Variants in ALS2 observed in about 807,000 individuals in gnomAD.
ALS2 encodes alsin.
A neutral mutation model predicts 203.4 loss-of-function variants in ALS2; 117 were observed. That is an observed-to-expected ratio of 0.58 (90% CI 0.50 to 0.67). The LOEUF (loss-of-function observed/expected upper bound fraction) is 0.67, where lower values mean the gene tolerates loss of function less well. Among genes scored for constraint, ALS2 ranks in the 30% least tolerant of loss-of-function variants. The pLI, the probability that ALS2 is intolerant of heterozygous loss-of-function variation, is 0.00. For missense variants in ALS2, 1,715 were observed against 1,989.4 expected (o/e 0.86, Z 2.62); for synonymous variants, 718 against 725.9 (o/e 0.99, Z 0.17).
intron 9 of ALS2, among the ~76,000 whole-genome samples, chr2:201,745,935 C>G (rs912405966): frequency 2.6e-5 from 4 of 151,990 alleles, no homozygotes; most frequent in Non-Finnish European, 4.4e-5. Flanking sequence ...GGCAACAGAG[C>G]AAGACTCAGT....
chr2:201,726,990 A>G (rs1014390119), intron 17 of ALS2, 124 bp from the exon 18 acceptor site: 3 of 936,710 alleles, frequency 3.2e-6, no homozygotes, highest in Non-Finnish European at 5.0e-6. Flanking sequence ...TTATTAATAG[A>G]GTAATATTGA....
chr2:201,715,117 G>T (rs1187229082), intron 25 of ALS2, among the ~76,000 whole-genome samples: 1 of 152,150 alleles, frequency 6.6e-6, no homozygotes, highest in African/African-American at 2.4e-5. Context: ...TTTGACTTTT[G>T]CAAGTTTCCT....
At chr2:201,722,823 T>C (rs1690893332) in intron 23 of ALS2, 1 of 555,112 alleles carries the variant, frequency 1.8e-6, no homozygotes, top group Non-Finnish European at 3.2e-6. Context: ...TAGGTGGAAA[T>C]GGAAGTCACT....
At chr2:201,720,636 C>A (rs571998043) in intron 23 of ALS2, among the ~76,000 whole-genome samples, 6 of 151,818 alleles carry the variant, frequency 4.0e-5, no homozygotes, top group Admixed American at 2.6e-4. Flanking sequence ...ATCGCTTGAG[C>A]CCAGGAGGTT....
chr2:201,724,019 G>GAGGTAGGA (rs1359593975), intron 21 of ALS2, among the ~76,000 whole-genome samples: 2 of 152,172 alleles, frequency 1.3e-5, no homozygotes, highest in Non-Finnish European at 2.9e-5. Context: ...TTGGTAGACT[G>GAGGTAGGA]AGGTAGGAGG....
intron 3 of ALS2, among the ~76,000 whole-genome samples, chr2:201,764,686 A>AAATAAATAAAT (rs879746657): frequency 6.9e-6 from 1 of 144,032 alleles, no homozygotes; most frequent in Non-Finnish European, 1.5e-5. Context: ...AATAAATAAA[A>AAATAAATAAAT]GTGAATCAAT....
At chr2:201,764,447 T>C (rs1208156095) in intron 3 of ALS2, among the ~76,000 whole-genome samples, 1 of 150,852 alleles carries the variant, frequency 6.6e-6, no homozygotes, top group Non-Finnish European at 1.5e-5. Flanking sequence ...CTGGCCAATA[T>C]GGTGAAACCC....
intron 9 of ALS2, among the ~76,000 whole-genome samples, chr2:201,745,568 A>C (rs1265625387): frequency 6.6e-6 from 1 of 152,226 alleles, no homozygotes; most frequent in Non-Finnish European, 1.5e-5. Context: ...GAAATAAGCC[A>C]ATGGTTTCAG....
Position 201,761,336 on chromosome 2 carries a change from G to C in ALS2, c.658C>G (p.Leu220Val), listed in dbSNP as rs529888092. ...ACTGGCTTCAGATCCTGGGAAGGGA[G>C]GCATTGTACAAGGGCTAAGCTGTGG... is the stretch of plus-strand genomic sequence containing the variant. ...AFHSLALVQC[L>V]PSQDLKPVPE... The change falls in exon 4 of 34, where the codon CTC becomes GTC. Residue 220 changes from leucine (L) to valine (V), a missense_variant. Leu to Val is a conservative substitution (Grantham distance 32, BLOSUM62 1). Around this residue, in one of 3 missense-constraint regions of ALS2, gnomAD observed 476 missense variants for 539.3 expected, o/e 0.88. Coordinates refer to ENST00000264276, the MANE Select transcript of ALS2 (RefSeq NM_020919.4). 6.2e-7 allele frequency: 1 copy of C among 1,614,100 alleles called. No homozygotes were observed. Among genetic ancestry groups the C allele is most frequent in the Non-Finnish European group, 8.5e-7 (1 of 1,180,036 alleles).
chr2:201,723,746 TA>T (rs1690965045), intron 21 of ALS2, among the ~76,000 whole-genome samples: 1 of 152,200 alleles, frequency 6.6e-6, no homozygotes, highest in African/African-American at 2.4e-5. Flanking sequence ...AATTCAACTC[TA>T]AATAATTTCA....
chr2:201,738,830 T>C, intron 11 of ALS2, 95 bp from the exon 12 acceptor site: 4 of 1,089,680 alleles, frequency 3.7e-6, no homozygotes, highest in Non-Finnish European at 5.5e-6. Flanking sequence ...TTCTTGATTA[T>C]TTCACCAATG....
intron 29 of ALS2, 150 bp from the exon 30 acceptor site, chr2:201,705,611 T>C: frequency 1.5e-6 from 1 of 662,844 alleles, no homozygotes; most frequent in Non-Finnish European, 2.7e-6. Flanking sequence ...ATTCCAGAAG[T>C]GATTTAAGAG....
intron 1 of ALS2, among the ~76,000 whole-genome samples, chr2:201,778,706 A>G (rs1694765190): frequency 6.6e-6 from 1 of 152,218 alleles, no homozygotes; most frequent in South Asian, 2.1e-4. Flanking sequence ...AAAATCTGTT[A>G]AAACTCTCTA....
intron 10 of ALS2, among the ~76,000 whole-genome samples, chr2:201,743,950 C>T (rs532181706): frequency 6.6e-6 from 1 of 152,192 alleles, no homozygotes; most frequent in East Asian, 1.9e-4. Context: ...GTTTGGAAGT[C>T]TAACTTTATG....
chr2:201,705,937 A>C (rs1050025518), intron 29 of ALS2, among the ~76,000 whole-genome samples: 9 of 123,738 alleles, frequency 7.3e-5, no homozygotes, highest in Non-Finnish European at 1.2e-4. Flanking sequence ...CAACAAAGCA[A>C]GACTCCGTCT....
intron 21 of ALS2, among the ~76,000 whole-genome samples, chr2:201,723,670 T>C (rs1339758198): frequency 2.0e-5 from 3 of 152,228 alleles, no homozygotes; most frequent in Non-Finnish European, 2.9e-5. Context: ...CTGACACAGA[T>C]CTGTATATAT....
intron 1 of ALS2, among the ~76,000 whole-genome samples, chr2:201,772,850 ATTTTTT>A (rs578253808): frequency 0.013 from 1,409 of 108,858 alleles, 17 homozygotes; most frequent in African/African-American, 0.045. Flanking sequence ...TGCTTTCATG[ATTTTTT>A]TTTTTTTTTT....
intron 1 of ALS2, among the ~76,000 whole-genome samples, chr2:201,777,837 C>T (rs1338678803): frequency 6.6e-6 from 1 of 152,074 alleles, no homozygotes; most frequent in East Asian, 1.9e-4. Context: ...TTTTTTCACC[C>T]AGTATTACAT....
At chr2:201,731,684 C>T (rs978498599) in intron 13 of ALS2, among the ~76,000 whole-genome samples, 3 of 127,128 alleles carry the variant, frequency 2.4e-5, no homozygotes, top group African/African-American at 6.2e-5. Context: ...TAAATTATAA[C>T]GTATAGTGAT....
Sources: gnomAD v4.1 joint callset for allele counts (sites outside exome capture counted in the v4.1 genomes callset) on GRCh38, gnomAD v4.1.1 for gene constraint, gnomAD v4.1.1 regional missense constraint, MANE v1.5 for transcripts, NCBI Gene and HGNC (gene_info 2026-07-23, HGNC 2026-07-21) for gene names.